POM121: variants seen among roughly 807,000 people sequenced by gnomAD.
POM121 encodes the protein POM121 transmembrane nucleoporin.
POM121 carries 32 observed loss-of-function variants against 81.3 expected under a neutral mutation model. The observed-to-expected ratio is 0.39, with a 90% CI of 0.30 to 0.53. The LOEUF is 0.53. Ranked by LOEUF, POM121 falls within the 20% of genes least tolerant of loss-of-function variation. The pLI is 0.66. For synonymous variants in POM121, 514 were observed against 694.2 expected (o/e 0.74, Z 4.08); for missense variants, 1,138 against 1,614.6 (o/e 0.70, Z 5.06).
chr7:72,934,334 C>T (rs1796308340), intron 5 of POM121, among the ~76,000 whole-genome samples: 2 of 152,350 alleles, frequency 1.3e-5, no homozygotes, highest in South Asian at 2.1e-4. Flanking sequence ...ATCCGTCCGC[C>T]TTGGCCTCCC....
At chr7:72,930,153 A>C in intron 5 of POM121, 42 bp downstream of exon 5, 2 of 1,571,046 alleles carry the variant, frequency 1.3e-6, no homozygotes, top group Non-Finnish European at 1.7e-6. Context: ...ATGAATTCCC[A>C]GCGTTCATTC....
downstream of POM121, chr7:72,950,192 C>T (rs367752594): frequency 3.8e-4 from 604 of 1,608,212 alleles, 12 homozygotes; most frequent in South Asian, 3.3e-3. Flanking sequence ...CGTAAGTCAT[C>T]GAGGCTGCCA....
intron 3 of POM121, among the ~76,000 whole-genome samples, chr7:72,905,133 G>C (rs1451693012): frequency 6.6e-6 from 1 of 152,082 alleles, no homozygotes; most frequent in African/African-American, 2.4e-5. Context: ...AGTTTTGCTT[G>C]GTTTATCAAT....
At chr7:72,946,106 G>T in intron 12 of POM121, 31 bp from the exon 13 acceptor site, 3 of 1,609,872 alleles carry the variant, frequency 1.9e-6, no homozygotes, top group South Asian at 1.1e-5. Context: ...GGTAGCAGCT[G>T]CCCTGATGAG....
intron 3 of POM121, among the ~76,000 whole-genome samples, chr7:72,900,847 G>C (rs189174681): frequency 1.1e-3 from 161 of 150,890 alleles, no homozygotes; most frequent in African/African-American, 3.8e-3. Context: ...TTTGTTTTGT[G>C]GTTATTTTGC....
intron 3 of POM121, 131 bp downstream of exon 3, chr7:72,927,094 A>G: frequency 7.0e-7 from 1 of 1,422,944 alleles, no homozygotes; most frequent in Non-Finnish European, 9.7e-7. Context: ...TCTTTGGCTT[A>G]CATGGAGGAA....
chr7:72,899,131 G>C (rs1193950620), intron 3 of POM121, among the ~76,000 whole-genome samples: 4 of 151,762 alleles, frequency 2.6e-5, no homozygotes, highest in Non-Finnish European at 5.9e-5. Context: ...TATAGGCACT[G>C]ACCACTACAC....
rs1797151325 is a variant in POM121, at chr7:72,942,208, G to C, written c.2215G>C (p.Glu739Gln). Reference protein sequence around the residue: ...KPIFTAPPKSEKEGPTPPGPS... With the variant: ...KPIFTAPPKSQKEGPTPPGPS... ...CATTTTCACGGCTCCACCCAAGAGT[G>C]AGAAGGAAGGCCCCACACCGCCTGG... The change falls in exon 11 of 13, where the codon GAG (glutamate) becomes CAG (glutamine). Residue 739 changes from glutamate (E) to glutamine (Q), a missense_variant. By Grantham distance (29) the Glu-to-Gln change is conservative (BLOSUM62 2). This residue lies in a region of POM121 where 37 missense variants were observed against 62.8 expected (regional missense o/e 0.59). Transcript: ENST00000434423. The C allele has an allele frequency of 6.2e-7, 1 of 1,609,956 alleles. No homozygotes were observed. Among genetic ancestry groups the C allele is most frequent in the Admixed American group, 1.7e-5 (1 of 59,962 alleles).
intron 3 of POM121, among the ~76,000 whole-genome samples, chr7:72,910,359 C>T (rs1415752537): frequency 2.0e-5 from 3 of 151,844 alleles, no homozygotes; most frequent in East Asian, 1.9e-4. Context: ...GTCTTTAATC[C>T]GAATGTAACA....
upstream of POM121, among the ~76,000 whole-genome samples, chr7:72,923,400 T>G (rs538054866): frequency 2.6e-5 from 4 of 152,112 alleles, no homozygotes; most frequent in Non-Finnish European, 5.9e-5. Flanking sequence ...AGCACTTCCC[T>G]GTCTACCTTC....
intron 5 of POM121, among the ~76,000 whole-genome samples, chr7:72,938,345 C>T (rs1796722024): frequency 6.6e-6 from 1 of 151,644 alleles, no homozygotes; most frequent in African/African-American, 2.4e-5. Flanking sequence ...CAAACCACCA[C>T]ACCCAACTGA....
In POM121 at chr7:72,926,368, A is replaced by C. The variant is rs374511205; in HGVS notation, c.751A>C (p.Asn251His). 1.9e-6 allele frequency: 3 copies of C among 1,613,940 alleles called. No homozygotes were observed. Among genetic ancestry groups the C allele is most frequent in the Non-Finnish European group, 2.5e-6 (3 of 1,179,860 alleles). ...CLGVLPTVCW[N>H]GYHKKAVLSP... ...GGGGGTACTTCCCACCGTGTGCTGG[A>C]ATGGTTATCACAAGAAGGCTGTGCT... The change falls in exon 2 of 13, where the codon AAT (asparagine) becomes CAT (histidine). Residue 251 changes from asparagine to histidine, a missense_variant. Asn to His is a moderately conservative substitution (Grantham distance 68). Around this residue, in one of 7 missense-constraint regions of POM121, gnomAD observed 646 missense variants for 633.5 expected, o/e 1.02. Transcript: ENST00000434423.
chr7:72,924,990 G>C (rs1325269223), upstream of POM121: 7 of 1,317,996 alleles, frequency 5.3e-6, no homozygotes, highest in African/African-American at 1.1e-4. Flanking sequence ...CAAACCAGTT[G>C]GGTCTCGGGC....
chr7:72,917,011 A>C (rs1456272837), intron 4 of POM121, among the ~76,000 whole-genome samples: 1 of 152,196 alleles, frequency 6.6e-6, no homozygotes, highest in African/African-American at 2.4e-5. Context: ...TGTGACTGTC[A>C]TTGAAACATG....
intron 11 of POM121, among the ~76,000 whole-genome samples, chr7:72,944,633 C>T (rs1267116068): frequency 1.3e-5 from 2 of 152,146 alleles, no homozygotes; most frequent in Non-Finnish European, 2.9e-5. Flanking sequence ...CCCCAGCAAG[C>T]ACAGCAGGAG....
chr7:72,920,345 CTTTTTTT>C (rs781909518), upstream of POM121, among the ~76,000 whole-genome samples: 1 of 112,544 alleles, frequency 8.9e-6, no homozygotes, highest in South Asian at 2.9e-4. Context: ...GAGTAATGGT[CTTTTTTT>C]TTTTTTTTTT....
chr7:72,915,208 G>A (rs1457957775), intron 4 of POM121, among the ~76,000 whole-genome samples: 3 of 152,092 alleles, frequency 2.0e-5, no homozygotes, highest in Admixed American at 6.5e-5. Context: ...GATGAGCTTC[G>A]GCTGCCCTCT....
intron 6 of POM121, 74 bp from the exon 7 acceptor site, chr7:72,939,262 G>A (rs1392912457): frequency 7.7e-6 from 12 of 1,563,328 alleles, no homozygotes; most frequent in East Asian, 2.3e-5. Flanking sequence ...TGGTAGTTAG[G>A]AGGGTGTGAG....
At chr7:72,898,809 A>G (rs1446910199) in intron 3 of POM121, among the ~76,000 whole-genome samples, 13 of 151,040 alleles carry the variant, frequency 8.6e-5, no homozygotes, top group Non-Finnish European at 1.8e-4. Flanking sequence ...AAAAAAAAAA[A>G]AAAAAAAATG....
Sources: allele counts gnomAD v4.1 joint callset (sites outside exome capture counted in the v4.1 genomes callset), GRCh38; gene constraint gnomAD v4.1.1; regional missense constraint gnomAD v4.1.1; transcripts MANE v1.5; gene names NCBI Gene and HGNC (gene_info 2026-07-23, HGNC 2026-07-21).